The following ESRRG variants were observed in gnomAD, a reference collection of about 807,000 sequenced individuals.
The protein encoded by ESRRG is estrogen-related receptor gamma.
A neutral mutation model predicts 44.0 loss-of-function variants in ESRRG; 13 were observed. The observed-to-expected ratio is 0.30, with a 90% CI of 0.19 to 0.47. The LOEUF is 0.47. Among genes scored for constraint, ESRRG ranks in the 20% least tolerant of loss-of-function variants. The pLI is 1.00. For missense variants in ESRRG, 395 were observed against 580.6 expected (o/e 0.68, Z 3.29); for synonymous variants, 215 against 214.6 (o/e 1.00, Z -0.02).
intron 6 of ESRRG, among the ~76,000 whole-genome samples, chr1:216,514,101 A>G (rs2043485749): frequency 6.6e-6 from 1 of 152,122 alleles, no homozygotes; most frequent in African/African-American, 2.4e-5. Flanking sequence ...TTCTGATACT[A>G]TGCCAAGACA....
intron 1 of ESRRG, among the ~76,000 whole-genome samples, chr1:217,013,792 C>A (rs561850426): frequency 9.5e-6 from 1 of 105,290 alleles, no homozygotes; most frequent in East Asian, 2.1e-4. Context: ...AGTGGCCAAG[C>A]ACAGTGCTCC....
chr1:216,858,755 A>C (rs10863274), intron 2 of ESRRG, among the ~76,000 whole-genome samples: 4,876 of 152,268 alleles, frequency 0.032, 265 homozygotes, highest in African/African-American at 0.11. Flanking sequence ...TTTGAATCAC[A>C]GTACTGATCA....
chr1:216,685,747 T>C (rs372984374), intron 1 of ESRRG, among the ~76,000 whole-genome samples: 1 of 152,214 alleles, frequency 6.6e-6, no homozygotes, highest in Non-Finnish European at 1.5e-5. Flanking sequence ...GAAATGCAAA[T>C]GCTATCACAA....
At chr1:217,051,191 T>A (rs1184850765) in intron 1 of ESRRG, among the ~76,000 whole-genome samples, 5 of 31,962 alleles carry the variant, frequency 1.6e-4, no homozygotes, top group African/African-American at 3.9e-4. Context: ...GCAGAAGGAG[T>A]GGATAATGGG....
At chr1:216,715,270 T>C in intron 1 of ESRRG, 1 of 984,092 alleles carries the variant, frequency 1.0e-6, no homozygotes, top group Non-Finnish European at 1.2e-6. Flanking sequence ...AAGGGATGTT[T>C]CCGTCATTTC....
At chr1:217,097,454 T>C (rs535331943) in intron 1 of ESRRG, among the ~76,000 whole-genome samples, 201 of 152,282 alleles carry the variant, frequency 1.3e-3, no homozygotes, top group African/African-American at 4.6e-3. Context: ...GACACTGATA[T>C]GTAAATGCTC....
chr1:216,848,113 G>A (rs2095787330), intron 2 of ESRRG, among the ~76,000 whole-genome samples: 1 of 152,050 alleles, frequency 6.6e-6, no homozygotes. Flanking sequence ...CCAGATATTG[G>A]CAAATGTCCC....
chr1:216,602,966 A>G (rs991253959), intron 3 of ESRRG, among the ~76,000 whole-genome samples: 1 of 152,160 alleles, frequency 6.6e-6, no homozygotes, highest in Non-Finnish European at 1.5e-5. Context: ...AGCCCCATCT[A>G]TATAGATGGA....
intron 1 of ESRRG, among the ~76,000 whole-genome samples, chr1:217,071,401 C>A (rs1019398142): frequency 1.3e-5 from 2 of 152,062 alleles, no homozygotes; most frequent in Non-Finnish European, 2.9e-5. Flanking sequence ...TGAACTTGGG[C>A]AAGTTTCATT....
intron 1 of ESRRG, among the ~76,000 whole-genome samples, chr1:216,962,669 C>T (rs77704707): frequency 0.02 from 3,045 of 152,156 alleles, 97 homozygotes; most frequent in African/African-American, 0.069. Context: ...AAAGCCAGCA[C>T]GCTACCAGAA....
chr1:217,013,591 T>A (rs1366906322), intron 1 of ESRRG, among the ~76,000 whole-genome samples: 1 of 152,180 alleles, frequency 6.6e-6, no homozygotes, highest in Non-Finnish European at 1.5e-5. Context: ...AAAAGAGAGG[T>A]TAAGACCTAT....
chr1:217,007,345 T>C (rs1047463655), intron 1 of ESRRG, among the ~76,000 whole-genome samples: 4 of 151,772 alleles, frequency 2.6e-5, no homozygotes, highest in African/African-American at 9.7e-5. Context: ...CATACTTCTA[T>C]GTTATTGCTA....
chr1:216,810,343 T>C (rs2094930245), intron 2 of ESRRG, among the ~76,000 whole-genome samples: 1 of 152,078 alleles, frequency 6.6e-6, no homozygotes, highest in Non-Finnish European at 1.5e-5. Context: ...TATAAATTAA[T>C]CCTTACATGA....
chr1:217,049,848 C>A (rs910262184), intron 1 of ESRRG, among the ~76,000 whole-genome samples: 1 of 152,168 alleles, frequency 6.6e-6, no homozygotes, highest in East Asian at 1.9e-4. Flanking sequence ...GAAAGTGATC[C>A]AGAATGGGGC....
intron 1 of ESRRG, among the ~76,000 whole-genome samples, chr1:216,707,937 C>T (rs985358745): frequency 6.6e-6 from 1 of 152,032 alleles, no homozygotes; most frequent in Non-Finnish European, 1.5e-5. Flanking sequence ...GTACCCATAA[C>T]CTAATTACTG....
chr1:216,535,222 G>A (rs1265847558), intron 5 of ESRRG, among the ~76,000 whole-genome samples: 1 of 152,130 alleles, frequency 6.6e-6, no homozygotes, highest in Non-Finnish European at 1.5e-5. Flanking sequence ...CTAACTAGCT[G>A]TGTAAACTTC....
At chr1:216,613,600 A>G (rs1188456757) in intron 3 of ESRRG, among the ~76,000 whole-genome samples, 1 of 152,204 alleles carries the variant, frequency 6.6e-6, no homozygotes, top group African/African-American at 2.4e-5. Flanking sequence ...CAACCATTAC[A>G]TCATTTGTTT....
chr1:216,769,187 A>C lies in ESRRG; in HGVS notation c.-13-91696T>G, dbSNP rs112969663. ...AGGAGAATTGAGGAGAGTGAAGACC[A>C]TTATGGCAGGGAATGTTTGATTAAT... On this transcript the variant is annotated intron_variant, in intron 2 of 7. Transcript: ENST00000359162. Among the ~76,000 whole-genome samples the C allele has an allele frequency of 9.9e-3, 1,507 of 152,248 alleles. 15 individuals are homozygous for C. Among genetic ancestry groups the C allele is most frequent in the Non-Finnish European group, 0.016 (1,083 of 68,010 alleles).
intron 1 of ESRRG, among the ~76,000 whole-genome samples, chr1:217,049,667 T>C (rs1344628169): frequency 3.9e-5 from 6 of 152,148 alleles, no homozygotes. Flanking sequence ...TCATGATCTC[T>C]CCACTGGGCA....
Sources: gnomAD v4.1 joint callset for allele counts (sites outside exome capture counted in the v4.1 genomes callset) on GRCh38, gnomAD v4.1.1 for gene constraint, MANE v1.5 for transcripts, NCBI Gene and HGNC (gene_info 2026-07-23, HGNC 2026-07-21) for gene names.